KCNG3: variants seen among roughly 807,000 people sequenced by gnomAD.
KCNG3 encodes the protein voltage-gated potassium channel regulatory subunit KCNG3.
In KCNG3, 15 loss-of-function variants were observed where a neutral mutation model predicts 29.0. The observed-to-expected ratio is 0.52, with a 90% CI of 0.35 to 0.80. KCNG3 has a LOEUF of 0.80. KCNG3 is among the 30% of genes least tolerant of loss of function. KCNG3 has a pLI of 0.01. For missense variants in KCNG3, 512 were observed against 605.7 expected (o/e 0.85, Z 1.62); for synonymous variants, 322 against 248.9 (o/e 1.29, Z -2.76).
chr2:42,449,854 A>T (rs1186238968), intron 1 of KCNG3, among the ~76,000 whole-genome samples: 1 of 152,206 alleles, frequency 6.6e-6, no homozygotes, highest in Non-Finnish European at 1.5e-5. Flanking sequence ...CGCAGCAGTG[A>T]TAATAATAGT....
the KCNG3 span, among the ~76,000 whole-genome samples, chr2:42,408,053 C>T: frequency 3.9e-5 from 6 of 152,364 alleles, no homozygotes; most frequent in South Asian, 1.2e-3. Flanking sequence ...TGCACAGGCT[C>T]AGGGCAGTGC....
the KCNG3 span, among the ~76,000 whole-genome samples, chr2:42,405,442 ATT>A: frequency 3.6e-5 from 5 of 137,582 alleles, no homozygotes; most frequent in East Asian, 2.1e-4. Flanking sequence ...ATTCTGCAGC[ATT>A]TTTTTTTTTT....
the KCNG3 span, among the ~76,000 whole-genome samples, chr2:42,403,667 G>C: frequency 6.9e-6 from 1 of 145,560 alleles, no homozygotes; most frequent in African/African-American, 2.6e-5. Flanking sequence ...GTTTCACCAC[G>C]TTGGCCAGGC....
the KCNG3 span, among the ~76,000 whole-genome samples, chr2:42,409,699 CAAA>C: frequency 7.7e-5 from 4 of 51,988 alleles, no homozygotes; most frequent in South Asian, 6.0e-4. Flanking sequence ...GTGCCTGTCT[CAAA>C]AAAAAAAAAA....
chr2:42,457,774 C>A (rs530358907), intron 1 of KCNG3, among the ~76,000 whole-genome samples: 1 of 151,172 alleles, frequency 6.6e-6, no homozygotes, highest in African/African-American at 2.4e-5. Context: ...TATGATCACA[C>A]CACTGCACTC....
intron 1 of KCNG3, among the ~76,000 whole-genome samples, chr2:42,478,668 T>C (rs1673503305): frequency 6.6e-6 from 1 of 152,152 alleles, no homozygotes; most frequent in Non-Finnish European, 1.5e-5. Context: ...CAGGCTGTGT[T>C]AGTTCTGTCC....
chr2:42,446,585 A>G (rs962887762), intron 1 of KCNG3, among the ~76,000 whole-genome samples: 2 of 152,216 alleles, frequency 1.3e-5, no homozygotes, highest in African/African-American at 4.8e-5. Context: ...CATCAGAAGT[A>G]CAATGGAGAG....
chr2:42,435,471 G>A, the KCNG3 span, among the ~76,000 whole-genome samples: 1 of 152,190 alleles, frequency 6.6e-6, no homozygotes, highest in African/African-American at 2.4e-5. Flanking sequence ...ATACCACTAA[G>A]AAAGTGAAAA....
the KCNG3 span, among the ~76,000 whole-genome samples, chr2:42,403,882 T>A: frequency 6.6e-6 from 1 of 152,144 alleles, no homozygotes; most frequent in Admixed American, 6.5e-5. Context: ...ATTACGGGCA[T>A]GAGCTACCCT....
At chr2:42,397,724 T>C in the KCNG3 span, among the ~76,000 whole-genome samples, 1 of 152,236 alleles carries the variant, frequency 6.6e-6, no homozygotes, top group Non-Finnish European at 1.5e-5. Context: ...CTCTTCTTTC[T>C]ACTTGCTTAT....
At chr2:42,391,827 C>T in the KCNG3 span, among the ~76,000 whole-genome samples, 3 of 151,632 alleles carry the variant, frequency 2.0e-5, no homozygotes, top group African/African-American at 7.3e-5. Context: ...TGGTCTCGAT[C>T]TCCTGACCTC....
the KCNG3 span, among the ~76,000 whole-genome samples, chr2:42,400,798 CT>C: frequency 1.3e-5 from 2 of 151,390 alleles, no homozygotes; most frequent in Admixed American, 6.6e-5. Context: ...TTTTTTTCCC[CT>C]ATGGTATTTT....
intron 1 of KCNG3, among the ~76,000 whole-genome samples, chr2:42,449,220 C>T (rs1672684650): frequency 6.6e-6 from 1 of 152,040 alleles, no homozygotes; most frequent in South Asian, 2.1e-4. Flanking sequence ...TAAGCACTTG[C>T]TCCTCCAACA....
At chr2:42,468,436 AACTGT>A (rs1460486014) in intron 1 of KCNG3, among the ~76,000 whole-genome samples, 2 of 152,236 alleles carry the variant, frequency 1.3e-5, no homozygotes, top group African/African-American at 4.8e-5. Flanking sequence ...GTACAAAATC[AACTGT>A]ACAGCTATAT....
At position 42,443,879 on chromosome 2, in the gene KCNG3, G is replaced by T; in HGVS notation, c.*55C>A. 6.7e-7 allele frequency: 1 copy of T among 1,486,420 alleles called. No individual in the cohort carries two copies. Among genetic ancestry groups the T allele is most frequent in the Non-Finnish European group, 9.1e-7 (1 of 1,094,236 alleles). 92.1% of individuals were successfully genotyped at this position (1,486,420 alleles called of 1,614,324 possible). On this transcript the variant is annotated 3_prime_UTR_variant, in exon 2 of 2. Coordinates refer to ENST00000306078, the MANE Select transcript of KCNG3 (RefSeq NM_133329.6). The stretch of plus-strand genomic sequence containing the variant: ...CACCCAGCAAGAAACACATAAATAT[G>T]AAGCAGCATCAAAGTCTTTCTATGA...
At chr2:42,463,056 A>G (rs1673057048) in intron 1 of KCNG3, 1 of 164,176 alleles carries the variant, frequency 6.1e-6, no homozygotes, top group African/African-American at 2.4e-5. Flanking sequence ...CATCTCAAAT[A>G]TATGTTAAAA....
At chr2:42,435,443 G>A in the KCNG3 span, among the ~76,000 whole-genome samples, 1 of 152,178 alleles carries the variant, frequency 6.6e-6, no homozygotes, top group African/African-American at 2.4e-5. Flanking sequence ...AATTTAAAAT[G>A]TGTGCTGCAA....
intron 1 of KCNG3, among the ~76,000 whole-genome samples, chr2:42,452,770 GGTGTGT>G (rs57111452): frequency 4.0e-5 from 6 of 150,210 alleles, no homozygotes; most frequent in South Asian, 2.1e-4. Context: ...CATTCAACTG[GGTGTGT>G]GTGTGTGTGT....
At chr2:42,447,728 G>C (rs1057397398) in intron 1 of KCNG3, among the ~76,000 whole-genome samples, 10 of 151,636 alleles carry the variant, frequency 6.6e-5, no homozygotes, top group African/African-American at 2.4e-4. Context: ...ATAAAGATGG[G>C]GTCTTGCTAT....
Sources: allele counts gnomAD v4.1 joint callset (sites outside exome capture counted in the v4.1 genomes callset), GRCh38; gene constraint gnomAD v4.1.1; transcripts MANE v1.5; gene names NCBI Gene and HGNC (gene_info 2026-07-23, HGNC 2026-07-21).